Variants in FMN1 observed in about 807,000 individuals in gnomAD.
The protein encoded by FMN1 is formin 1.
Under a neutral mutation model 132.4 loss-of-function variants are expected in FMN1, and 110 were observed. That is an observed-to-expected ratio of 0.83 (90% confidence interval 0.71 to 0.97). The LOEUF (loss-of-function observed/expected upper bound fraction) is 0.97, where lower values mean the gene tolerates loss of function less well. Among genes scored for constraint, FMN1 ranks in the 50% least tolerant of loss-of-function variants. FMN1 has a pLI of 0.00. For missense variants in FMN1, 1,792 were observed against 1,705.3 expected (o/e 1.05, Z -0.90); for synonymous variants, 722 against 651.7 (o/e 1.11, Z -1.64).
intron 9 of FMN1, among the ~76,000 whole-genome samples, chr15:32,934,634 TCTCA>T (rs1337080769): frequency 6.8e-6 from 1 of 146,330 alleles, no homozygotes; most frequent in Non-Finnish European, 1.5e-5. Context: ...GAGGACTGAG[TCTCA>T]CTCTGTCACC....
At chr15:32,797,241 C>T (rs1405142937) in intron 19 of FMN1, among the ~76,000 whole-genome samples, 2 of 152,170 alleles carry the variant, frequency 1.3e-5, no homozygotes, top group Non-Finnish European at 2.9e-5. Context: ...TAATTGCCTT[C>T]TCTGTTGGTC....
intron 4 of FMN1, among the ~76,000 whole-genome samples, chr15:33,119,672 T>A (rs575449060): frequency 6.6e-6 from 1 of 152,364 alleles, no homozygotes; most frequent in Non-Finnish European, 1.5e-5. Context: ...TGTTTTCAGT[T>A]AAACACAAAA....
At chr15:33,016,591 T>G (rs1161464736) in intron 6 of FMN1, among the ~76,000 whole-genome samples, 1 of 152,166 alleles carries the variant, frequency 6.6e-6, no homozygotes, top group Admixed American at 6.5e-5. Context: ...CAGCAGAGCT[T>G]TTTAACTGGG....
intron 6 of FMN1, among the ~76,000 whole-genome samples, chr15:33,013,413 A>G (rs55959252): frequency 0.093 from 14,228 of 152,234 alleles, 702 homozygotes; most frequent in South Asian, 0.13. Context: ...TTTATTTTTA[A>G]AAAAAGAAAG....
rs190348703 is a variant in FMN1, at chr15:32,771,712, A to G, written c.*2598T>C. On this transcript the variant is annotated 3_prime_UTR_variant, in exon 21 of 21. Coordinates refer to ENST00000616417, the MANE Select transcript of FMN1 (RefSeq NM_001277313.2). ...TGGCAGGATGTGCTTAAGCTGCCAA[A>G]TGGCATCCCGATCACCTCCTCTCCA... 2 of 152,358 alleles carry G rather than the reference A, an allele frequency of 1.3e-5. No homozygotes were observed. Among genetic ancestry groups the G allele is most frequent in the Non-Finnish European group, 2.9e-5 (2 of 68,066 alleles). 9.4% of individuals were successfully genotyped at this position (152,358 alleles called of 1,614,324 possible).
chr15:32,986,193 G>T (rs1047609298), intron 7 of FMN1, among the ~76,000 whole-genome samples: 5 of 152,114 alleles, frequency 3.3e-5, no homozygotes, highest in Admixed American at 6.6e-5. Flanking sequence ...AGAGGCAGAA[G>T]TTTCTGGAGC....
rs1371652715 is a variant in FMN1, at chr15:32,994,226, TCTCTCTCA to T, written c.2223+13780_2223+13787del. 3.6e-3 allele frequency among the ~76,000 whole-genome samples: 529 copies of T among 148,542 alleles called. 2 individuals carry two copies. Among genetic ancestry groups the T allele is most frequent in the African/African-American group, 0.01 (408 of 39,584 alleles). Reference sequence around the variant, plus strand: ...TAGAACTCATTCCTCTCTCTCTCTCTCTCTCTCACACACACACACACACAGACACACAC... The same window carrying T: ...TAGAACTCATTCCTCTCTCTCTCTCTCACACACACACACACAGACACACAC... On this transcript the variant is annotated intron_variant, in intron 7 of 20. Coordinates refer to ENST00000616417, the MANE Select transcript of FMN1 (RefSeq NM_001277313.2).
intron 15 of FMN1, among the ~76,000 whole-genome samples, chr15:32,892,423 G>C (rs949820955): frequency 1.6e-4 from 24 of 152,018 alleles, no homozygotes; most frequent in African/African-American, 5.8e-4. Context: ...TGATCCTGGT[G>C]GATTATCTTT....
At chr15:32,793,250 A>T (rs2057154730) in intron 19 of FMN1, among the ~76,000 whole-genome samples, 1 of 152,030 alleles carries the variant, frequency 6.6e-6, no homozygotes, top group African/African-American at 2.4e-5. Context: ...CTTGGGGAAT[A>T]AGCAGTTTTT....
In FMN1 at chr15:33,182,379, T is replaced by G. The variant is rs531465718; in HGVS notation, c.-196-2117A>C. 2.6e-5 allele frequency among the ~76,000 whole-genome samples: 4 copies of G among 152,302 alleles called. No homozygotes were observed. In the South Asian group the frequency reaches 8.3e-4, roughly 32 times the overall value. On this transcript the variant is annotated intron_variant, in intron 2 of 20. Transcript: ENST00000616417. ...GAATCTCAGGCAGGCTGTAGGCTCA[T>G]TTTTAGGGCCATCCATTGCTCTTAA...
intron 9 of FMN1, among the ~76,000 whole-genome samples, chr15:32,954,480 A>C (rs1388531903): frequency 2.0e-5 from 3 of 152,216 alleles, no homozygotes; most frequent in African/African-American, 7.2e-5. Flanking sequence ...CATATAATTA[A>C]AGTTTATCTT....
intron 16 of FMN1, among the ~76,000 whole-genome samples, chr15:32,869,342 T>A: frequency 6.6e-6 from 1 of 152,240 alleles, no homozygotes; most frequent in Middle Eastern, 3.4e-3. Context: ...AGGAAAAGTG[T>A]CACAGACATA....
intron 4 of FMN1, among the ~76,000 whole-genome samples, chr15:33,111,210 C>A (rs2039689406): frequency 6.6e-6 from 1 of 152,062 alleles, no homozygotes; most frequent in Non-Finnish European, 1.5e-5. Flanking sequence ...GCTTTCAACC[C>A]TACACAAGTT....
At position 32,895,384 on chromosome 15, in the gene FMN1, C is replaced by T. The variant is rs1483351688; in HGVS notation, c.3714+3450G>A. Among the ~76,000 whole-genome samples the T allele has an allele frequency of 2.0e-5, 3 of 151,928 alleles. No homozygotes were observed. The East Asian group carries it at 5.8e-4, about 29-fold the overall frequency. On this transcript the variant is annotated intron_variant, in intron 15 of 20. Transcript: ENST00000616417. ...GGAAAAAAAAAAACAAAAACACAAC[C>T]TTGCTTGCCCATAAAGCATACATGT...
In FMN1 at chr15:33,088,226, A is replaced by T. The variant is rs570826514; in HGVS notation, c.2043+573T>A. 4.6e-5 allele frequency among the ~76,000 whole-genome samples: 7 copies of T among 152,286 alleles called. No homozygotes were observed. In the South Asian group the frequency reaches 1.5e-3, roughly 32 times the overall value. On this transcript the variant is annotated intron_variant, in intron 5 of 20. Transcript: ENST00000616417. ...TATTGAAATTAAAAAAATTTAAAAA[A>T]TTTAAAAAAAACTGCAGAGGTTATT...
chr15:33,143,515 T>A (rs1348841174), intron 4 of FMN1, among the ~76,000 whole-genome samples: 1 of 152,184 alleles, frequency 6.6e-6, no homozygotes, highest in South Asian at 2.1e-4. Context: ...GAGATTTTTT[T>A]AAAAACCAAA....
chr15:32,942,179 AG>A (rs796709804), intron 9 of FMN1, among the ~76,000 whole-genome samples: 6 of 152,370 alleles, frequency 3.9e-5, no homozygotes, highest in African/African-American at 1.4e-4. Flanking sequence ...AGAGTGGGAA[AG>A]GCAGGCCCAC....
At chr15:32,823,707 G>C (rs2058294301) in intron 17 of FMN1, among the ~76,000 whole-genome samples, 1 of 152,172 alleles carries the variant, frequency 6.6e-6, no homozygotes, top group South Asian at 2.1e-4. Flanking sequence ...TAAGGACATG[G>C]TGGTACAATC....
chr15:32,981,694 T>C (rs2032689365), intron 7 of FMN1, among the ~76,000 whole-genome samples: 1 of 152,046 alleles, frequency 6.6e-6, no homozygotes, highest in South Asian at 2.1e-4. Context: ...GCAGAGTTCT[T>C]ACATATGCCA....
Sources: gnomAD v4.1 joint callset for allele counts (sites outside exome capture counted in the v4.1 genomes callset) on GRCh38, gnomAD v4.1.1 for gene constraint, MANE v1.5 for transcripts, NCBI Gene and HGNC (gene_info 2026-07-23, HGNC 2026-07-21) for gene names.